The following RASAL2 variants were observed in gnomAD, a reference collection of about 807,000 sequenced individuals.
The protein encoded by RASAL2 is RAS protein activator like 2.
A neutral mutation model predicts 128.9 loss-of-function variants in RASAL2; 58 were observed. The ratio of observed to expected loss-of-function variants is 0.45; its 90% confidence interval spans 0.36 to 0.56. The LOEUF is 0.56. Among genes scored for constraint, RASAL2 ranks in the 20% least tolerant of loss-of-function variants. RASAL2 has a pLI of 0.00. For synonymous variants in RASAL2, 561 were observed against 580.8 expected (o/e 0.97, Z 0.49); for missense variants, 1,360 against 1,601.6 (o/e 0.85, Z 2.57).
intron 3 of RASAL2, among the ~76,000 whole-genome samples, chr1:178,346,319 T>C (rs930347211): frequency 2.6e-5 from 4 of 151,936 alleles, no homozygotes; most frequent in African/African-American, 4.8e-5. Context: ...AGAGGATTGC[T>C]TGAGCCCAGG....
chr1:178,442,366 CT>C (rs1205279774), intron 7 of RASAL2, among the ~76,000 whole-genome samples: 1 of 151,996 alleles, frequency 6.6e-6, no homozygotes, highest in Non-Finnish European at 1.5e-5. Context: ...CAGCTTATCT[CT>C]TTTATTTGCA....
At chr1:178,139,780 TTATC>T (rs976655547) in intron 1 of RASAL2, among the ~76,000 whole-genome samples, 32 of 152,132 alleles carry the variant, frequency 2.1e-4, no homozygotes, top group African/African-American at 7.7e-4. Context: ...AGTGATAAAA[TTATC>T]TAAACACCCT....
intron 1 of RASAL2, among the ~76,000 whole-genome samples, chr1:178,145,299 AT>A (rs933297443): frequency 4.6e-5 from 7 of 151,996 alleles, no homozygotes; most frequent in Admixed American, 1.3e-4. Flanking sequence ...AGAAAAGAGG[AT>A]TTTTTTTGTT....
intron 1 of RASAL2, among the ~76,000 whole-genome samples, chr1:178,253,968 T>C (rs1046491194): frequency 4.6e-5 from 7 of 152,212 alleles, no homozygotes; most frequent in African/African-American, 1.7e-4. Context: ...CCTGTAAGTC[T>C]TCTATTCAAA....
At chr1:178,182,340 G>A (rs1466450905) in intron 1 of RASAL2, among the ~76,000 whole-genome samples, 1 of 152,048 alleles carries the variant, frequency 6.6e-6, no homozygotes, top group Non-Finnish European at 1.5e-5. Flanking sequence ...TCCTGTTCCA[G>A]TCCTGTAATG....
intron 1 of RASAL2, among the ~76,000 whole-genome samples, chr1:178,146,230 T>A (rs1660725207): frequency 6.6e-6 from 1 of 152,172 alleles, no homozygotes; most frequent in Non-Finnish European, 1.5e-5. Flanking sequence ...TTCTGGAAAA[T>A]AATACAGATT....
At chr1:178,177,155 A>C (rs141258232) in intron 1 of RASAL2, among the ~76,000 whole-genome samples, 1 of 152,192 alleles carries the variant, frequency 6.6e-6, no homozygotes, top group Non-Finnish European at 1.5e-5. Flanking sequence ...TAAAATTGCC[A>C]TGCTGTTTGG....
intron 4 of RASAL2, among the ~76,000 whole-genome samples, chr1:178,393,618 G>GGACCA (rs1673043959): frequency 6.6e-6 from 1 of 152,156 alleles, no homozygotes; most frequent in African/African-American, 2.4e-5. Flanking sequence ...CCATGGCCCT[G>GGACCA]GGGTTGAGGA....
intron 3 of RASAL2, among the ~76,000 whole-genome samples, chr1:178,328,867 A>C (rs1669160700): frequency 6.6e-6 from 1 of 152,124 alleles, no homozygotes; most frequent in Non-Finnish European, 1.5e-5. Flanking sequence ...TCGGGTTATG[A>C]GTGACTTATA....
chr1:178,216,646 G>C (rs1295130748), intron 1 of RASAL2, among the ~76,000 whole-genome samples: 1 of 151,800 alleles, frequency 6.6e-6, no homozygotes, highest in Non-Finnish European at 1.5e-5. Flanking sequence ...TTATCAGTTT[G>C]TTTGTGTGTT....
At chr1:178,232,405 A>G (rs977769508) in intron 1 of RASAL2, among the ~76,000 whole-genome samples, 4 of 152,184 alleles carry the variant, frequency 2.6e-5, no homozygotes, top group African/African-American at 4.8e-5. Flanking sequence ...ACTTATCCCA[A>G]TTGGATTTAT....
chr1:178,418,262 G>A (rs1674900603), intron 4 of RASAL2, among the ~76,000 whole-genome samples: 2 of 152,162 alleles, frequency 1.3e-5, no homozygotes, highest in South Asian at 2.1e-4. Context: ...CACATCTTTT[G>A]TGTGATATAT....
chr1:178,154,938 C>T (rs1661034657), intron 1 of RASAL2, among the ~76,000 whole-genome samples: 1 of 152,170 alleles, frequency 6.6e-6, no homozygotes, highest in African/African-American at 2.4e-5. Flanking sequence ...ATTCTCCTGC[C>T]TCAACCTCCT....
intron 1 of RASAL2, among the ~76,000 whole-genome samples, chr1:178,189,962 A>G (rs1013871573): frequency 7.2e-5 from 11 of 152,144 alleles, no homozygotes; most frequent in African/African-American, 2.4e-4. Context: ...GTGGTTCTCA[A>G]CTGGGGGCAT....
At chr1:178,267,981 CT>C (rs956638782) in intron 1 of RASAL2, among the ~76,000 whole-genome samples, 3 of 150,482 alleles carry the variant, frequency 2.0e-5, no homozygotes, top group Non-Finnish European at 4.4e-5. Context: ...TACTTCCTTG[CT>C]TTGTTCAAGC....
chr1:178,327,887 A>C (rs78818261), intron 3 of RASAL2, among the ~76,000 whole-genome samples: 1 of 152,164 alleles, frequency 6.6e-6, no homozygotes, highest in African/African-American at 2.4e-5. Flanking sequence ...ATAGACATGG[A>C]GGAGAAGGCC....
rs1672503172 is a variant in RASAL2, at chr1:178,385,354, T to G, written c.458-4746T>G. Among the ~76,000 whole-genome samples the G allele has an allele frequency of 2.0e-5, 3 of 152,196 alleles. No individual in the cohort carries two copies. The South Asian group carries it at 6.2e-4, about 32-fold the overall frequency. ...CAGGAGGCTGAGGTGGGAGGATCAC[T>G]TGAACCCCGGAGGTGGAGTTTGTAG... On this transcript the variant is annotated intron_variant, in intron 3 of 17. Transcript: ENST00000367649.
chr1:178,292,356 A>G (rs1283293655), intron 2 of RASAL2, among the ~76,000 whole-genome samples: 2 of 152,152 alleles, frequency 1.3e-5, no homozygotes, highest in African/African-American at 4.8e-5. Flanking sequence ...TCTTAACTCT[A>G]CATGTTTCTT....
At chr1:178,136,799 A>G (rs1660343287) in intron 1 of RASAL2, among the ~76,000 whole-genome samples, 1 of 150,654 alleles carries the variant, frequency 6.6e-6, no homozygotes, top group Non-Finnish European at 1.5e-5. Context: ...TGAAAAGATA[A>G]GACAACCAGA....
Sources: allele counts gnomAD v4.1 joint callset (sites outside exome capture counted in the v4.1 genomes callset), GRCh38; gene constraint gnomAD v4.1.1; transcripts MANE v1.5; gene names NCBI Gene and HGNC (gene_info 2026-07-23, HGNC 2026-07-21).